CSMD2: variants seen among roughly 807,000 people sequenced by gnomAD.
CSMD2 encodes CUB and sushi domain-containing protein 2.
Under a neutral mutation model 398.5 loss-of-function variants are expected in CSMD2, and 130 were observed. The ratio of observed to expected loss-of-function variants is 0.33; its 90% CI spans 0.28 to 0.38. The LOEUF is 0.38. CSMD2 is among the 10% of genes least tolerant of loss of function. The probability of loss-of-function intolerance (pLI) is 1.00; values close to 1 mark genes in which losing one functional copy is unlikely to be tolerated. For synonymous variants in CSMD2, 1,828 were observed against 1,908.5 expected, an observed-to-expected ratio of 0.96 and a Z score of 1.10; for missense variants, 3,829 against 4,764.9, an observed-to-expected ratio of 0.80 and a Z score of 5.78.
rs1359867430 is a variant in CSMD2, at chr1:33,557,715, G to A, written c.8743+19C>T. The A allele has an allele frequency of 1.3e-6, 2 of 1,533,118 alleles. No homozygotes were observed. Among genetic ancestry groups the A allele is most frequent in the East Asian group, 2.4e-5 (1 of 40,854 alleles). The allele number at this position is 1,533,118 out of a possible 1,614,324, so 95.0% of individuals were successfully genotyped here. On this transcript the variant is annotated intron_variant, in intron 55 of 70. Coordinates refer to ENST00000373381, the MANE Select transcript of CSMD2 (RefSeq NM_001281956.2). ...CGGGCCACCCCATCAGTCATTTTGA[G>A]CAGGTGACATCTACTTACAGAGACA...
At chr1:34,032,363 C>T (rs1254974133) in intron 3 of CSMD2, among the ~76,000 whole-genome samples, 1 of 152,152 alleles carries the variant, frequency 6.6e-6, no homozygotes, top group Non-Finnish European at 1.5e-5. Flanking sequence ...TGTTACCAGG[C>T]CCTCAGGATA....
At chr1:33,896,216 G>A (rs2125223155) in intron 5 of CSMD2, among the ~76,000 whole-genome samples, 1 of 152,076 alleles carries the variant, frequency 6.6e-6, no homozygotes, top group East Asian at 1.9e-4. Flanking sequence ...TTTGATGGGG[G>A]AATTGGCAGA....
At chr1:34,155,953 G>T (rs1640772251) in intron 1 of CSMD2, among the ~76,000 whole-genome samples, 1 of 152,164 alleles carries the variant, frequency 6.6e-6, no homozygotes. Context: ...AGGTGGTTAG[G>T]GGCATAGCCA....
intron 56 of CSMD2, among the ~76,000 whole-genome samples, chr1:33,548,226 C>G (rs761432260): frequency 6.6e-6 from 1 of 152,176 alleles, no homozygotes; most frequent in African/African-American, 2.4e-5. Flanking sequence ...AGTATGAGAA[C>G]AGACTAATAC....
chr1:33,670,284 T>A (rs1353688206), intron 25 of CSMD2, among the ~76,000 whole-genome samples: 1 of 152,138 alleles, frequency 6.6e-6, no homozygotes, highest in Non-Finnish European at 1.5e-5. Context: ...CACTTCTATA[T>A]CTCTGGTACC....
intron 25 of CSMD2, among the ~76,000 whole-genome samples, chr1:33,685,936 T>C (rs1645050268): frequency 6.6e-6 from 1 of 152,214 alleles, no homozygotes; most frequent in East Asian, 1.9e-4. Context: ...CAGGTAATCA[T>C]TGCATATTTT....
At chr1:33,742,449 T>C (rs1472196765) in intron 14 of CSMD2, among the ~76,000 whole-genome samples, 1 of 152,140 alleles carries the variant, frequency 6.6e-6, no homozygotes, top group African/African-American at 2.4e-5. Flanking sequence ...ATTGCTCAGA[T>C]GGACCCACCT....
At chr1:33,888,621 G>A (rs1416650689) in intron 5 of CSMD2, among the ~76,000 whole-genome samples, 2 of 152,142 alleles carry the variant, frequency 1.3e-5, no homozygotes, top group African/African-American at 2.4e-5. Context: ...ATAGCTAAAT[G>A]TAAAATATAA....
intron 2 of CSMD2, among the ~76,000 whole-genome samples, chr1:34,036,012 C>T (rs779046216): frequency 2.0e-5 from 3 of 152,088 alleles, no homozygotes; most frequent in Non-Finnish European, 2.9e-5. Context: ...ACTATAGTCA[C>T]GATACCCAAT....
chr1:33,757,415 A>C (rs1410784992), intron 13 of CSMD2, among the ~76,000 whole-genome samples: 1 of 152,142 alleles, frequency 6.6e-6, no homozygotes, highest in Non-Finnish European at 1.5e-5. Flanking sequence ...TCAGGGGCTA[A>C]GGTTCCCCAA....
intron 3 of CSMD2, among the ~76,000 whole-genome samples, chr1:33,937,515 C>T (rs1644516731): frequency 6.6e-6 from 1 of 152,212 alleles, no homozygotes; most frequent in Admixed American, 6.5e-5. Context: ...TTGCAATACC[C>T]TCTTCCTGCC....
intron 5 of CSMD2, among the ~76,000 whole-genome samples, chr1:33,910,003 C>G (rs1433769523): frequency 1.3e-5 from 2 of 152,200 alleles, no homozygotes; most frequent in Non-Finnish European, 1.5e-5. Context: ...CATAGTCATT[C>G]AGCCAGAACT....
chr1:33,646,793 G>A lies in CSMD2; in HGVS notation c.4629C>T (p.Asp1543=), dbSNP rs543010187. 1.1e-4 allele frequency: 183 copies of A among 1,613,732 alleles called. 3 individuals are homozygous for A. The highest frequency in any genetic ancestry group is 8.7e-4 in the South Asian group (79 of 90,974). The change falls in exon 29 of 71, where the codon GAC becomes GAT. Residue 1543 remains aspartate (D), a synonymous_variant. Transcript: ENST00000373381. ...TGAGAGGGCTGAGAGAGTCCCGTCC[G>A]TCGTAGATATGGAGGAAGTCATAGC... ...EPGYDFLHIY[D]GRDSLSPLIG... is the part of the protein sequence containing the mutation.
intron 65 of CSMD2, 112 bp from the exon 66 acceptor site, chr1:33,525,155 G>A: frequency 8.8e-7 from 1 of 1,136,048 alleles, no homozygotes. Flanking sequence ...TTTCCCCAAT[G>A]TCTACCATGT....
chr1:33,934,290 A>G (rs1275058162), intron 4 of CSMD2, among the ~76,000 whole-genome samples: 1 of 152,242 alleles, frequency 6.6e-6, no homozygotes, highest in African/African-American at 2.4e-5. Flanking sequence ...GAGCGTTACT[A>G]GAAGAAAAGA....
At chr1:34,018,351 A>T (rs1243185264) in intron 3 of CSMD2, among the ~76,000 whole-genome samples, 1 of 152,234 alleles carries the variant, frequency 6.6e-6, no homozygotes, top group East Asian at 1.9e-4. Context: ...GCTGAAATCA[A>T]CACTTTCATG....
intron 1 of CSMD2, among the ~76,000 whole-genome samples, chr1:34,134,452 T>C (rs1638501521): frequency 1.3e-5 from 2 of 152,198 alleles, no homozygotes; most frequent in African/African-American, 4.8e-5. Context: ...TATTTTAGAT[T>C]AGAAATTATT....
At chr1:33,558,032 G>C (rs1658200356) in intron 54 of CSMD2, 110 bp from the exon 55 acceptor site, 1 of 982,188 alleles carries the variant, frequency 1.0e-6, no homozygotes, top group African/African-American at 1.6e-5. Flanking sequence ...CTGGTCCCAA[G>C]GTTGCTGGAC....
intron 1 of CSMD2, among the ~76,000 whole-genome samples, chr1:34,135,657 AATTTACAGTAACTT>A (rs1198505651): frequency 1.4e-5 from 2 of 144,526 alleles, no homozygotes; most frequent in Non-Finnish European, 3.0e-5. Context: ...CTGATTGACT[AATTTACAGTAACTT>A]ATGAAATATC....
Sources: gnomAD v4.1 joint callset for allele counts (sites outside exome capture counted in the v4.1 genomes callset) on GRCh38, gnomAD v4.1.1 for gene constraint, MANE v1.5 for transcripts, NCBI Gene and HGNC (gene_info 2026-07-23, HGNC 2026-07-21) for gene names.